EIF4G3: variants seen among roughly 807,000 people sequenced by gnomAD.
EIF4G3 encodes eIF-4-gamma 3.
A neutral mutation model predicts 186.4 loss-of-function variants in EIF4G3; 34 were observed. That is an observed-to-expected ratio of 0.18 (90% confidence interval 0.14 to 0.24). The LOEUF (loss-of-function observed/expected upper bound fraction) is 0.24, where lower values mean the gene tolerates loss of function less well. Among genes scored for constraint, EIF4G3 ranks in the 10% least tolerant of loss-of-function variants. The probability of loss-of-function intolerance (pLI) is 1.00; values close to 1 mark genes in which losing one functional copy is unlikely to be tolerated. For missense variants in EIF4G3, 1,536 were observed against 1,948.5 expected, an observed-to-expected ratio of 0.79 and a Z score of 3.99; for synonymous variants, 673 against 679.5, an observed-to-expected ratio of 0.99 and a Z score of 0.15.
chr1:21,023,972 C>A lies in EIF4G3; in HGVS notation c.-66-21164G>T, dbSNP rs540883741. The stretch of plus-strand genomic sequence containing the variant: ...ACGACCCCATCTGGGAGGTGAGGAG[C>A]GTCTCTGCCCGGCCGCCCAGTCTGA... On this transcript the variant is annotated intron_variant, in intron 4 of 36. Transcript: ENST00000602326. Among the ~76,000 whole-genome samples, 21 of 80,546 alleles carry A rather than the reference C, an allele frequency of 2.6e-4. 1 individual carries two copies. The South Asian group carries it at 8.0e-3, about 31-fold the overall frequency. 52.8% of individuals were successfully genotyped at this position (80,546 alleles called of 152,430 possible).
At chr1:20,916,725 T>G (rs1158452594) in intron 14 of EIF4G3, among the ~76,000 whole-genome samples, 2 of 152,186 alleles carry the variant, frequency 1.3e-5, no homozygotes, top group Non-Finnish European at 2.9e-5. Flanking sequence ...AAAGCTTCTT[T>G]ATCACGACCG....
At chr1:20,997,690 C>G in intron 6 of EIF4G3, 57 bp from the exon 7 acceptor site, 1 of 1,430,146 alleles carries the variant, frequency 7.0e-7, no homozygotes, top group South Asian at 1.4e-5. Flanking sequence ...TCAGAAACAC[C>G]ACAACAAAAA....
chr1:20,809,192 C>CA (rs1010581220), intron 36 of EIF4G3, among the ~76,000 whole-genome samples: 1 of 152,126 alleles, frequency 6.6e-6, no homozygotes, highest in African/African-American at 2.4e-5. Context: ...AGGCTGGTCT[C>CA]AAACTCCTGA....
At chr1:21,052,637 G>A (rs1444212487) in intron 3 of EIF4G3, among the ~76,000 whole-genome samples, 3 of 151,890 alleles carry the variant, frequency 2.0e-5, no homozygotes, top group Non-Finnish European at 4.4e-5. Context: ...CCGAGCCAAA[G>A]CTGGACTGTA....
At chr1:21,063,152 C>G (rs2095019272) in intron 3 of EIF4G3, among the ~76,000 whole-genome samples, 1 of 152,176 alleles carries the variant, frequency 6.6e-6, no homozygotes, top group South Asian at 2.1e-4. Flanking sequence ...CTCCCAAGCT[C>G]AATCAATCCT....
rs149169407 is a variant in EIF4G3, at chr1:20,865,268, T to C, written c.2623-6A>G. Reference sequence around the variant, plus strand: ...TCTGCCATGGGTACTTTCAGCTACATCCAGACAGGAAAATAAAAAAAATCA... The same window carrying C: ...TCTGCCATGGGTACTTTCAGCTACACCCAGACAGGAAAATAAAAAAAATCA... On this transcript the variant is annotated splice_region_variant and splice_polypyrimidine_tract_variant and intron_variant, in intron 20 of 36. Coordinates refer to ENST00000602326, the MANE Select transcript of EIF4G3 (RefSeq NM_001391906.1). The C allele has an allele frequency of 6.2e-7, 1 of 1,608,240 alleles. No individual in the cohort carries two copies. The highest frequency in any genetic ancestry group is 1.7e-5 in the Admixed American group (1 of 58,304).
At chr1:20,960,108 C>T (rs1387004539) in intron 12 of EIF4G3, among the ~76,000 whole-genome samples, 1 of 152,158 alleles carries the variant, frequency 6.6e-6, no homozygotes, top group Non-Finnish European at 1.5e-5. Context: ...TATAGCAGTA[C>T]AATTCACAAT....
chr1:21,150,888 A>G (rs994650239), intron 2 of EIF4G3, among the ~76,000 whole-genome samples: 1 of 152,208 alleles, frequency 6.6e-6, no homozygotes, highest in Admixed American at 6.5e-5. Context: ...AGGCAGAAGA[A>G]TCGCTTAAAC....
At position 20,948,970 on chromosome 1, in the gene EIF4G3, CAAAAAAAA is replaced by C. The variant is rs34585901; in HGVS notation, c.823+1025_823+1032del. Reference sequence around the variant, plus strand: ...GTTGCAGTGAGTCAAGACTCTGTCTCAAAAAAAAAAAAAAAAAAAAAGAATAATTTTTA... The same window carrying C: ...GTTGCAGTGAGTCAAGACTCTGTCTCAAAAAAAAAAAAAGAATAATTTTTA... On this transcript the variant is annotated intron_variant, in intron 13 of 36. Transcript: ENST00000602326. Among the ~76,000 whole-genome samples the C allele has an allele frequency of 5.4e-4, 28 of 51,532 alleles. No homozygotes were observed. In the East Asian group the frequency reaches 6.6e-3, roughly 12 times the overall value. The allele number at this position is 51,532 out of a possible 152,430, so 33.8% of individuals were successfully genotyped here. A position where few individuals can be genotyped will look rare whatever the true frequency, so the allele number is the denominator to read the frequency against.
intron 30 of EIF4G3, 96 bp from the exon 31 acceptor site, chr1:20,829,368 A>AGAT (rs1185492999): frequency 7.4e-7 from 1 of 1,345,028 alleles, no homozygotes; most frequent in African/African-American, 1.5e-5. Flanking sequence ...ATACATATTA[A>AGAT]TCACCTGCTA....
At chr1:20,971,410 T>C (rs1473141520) in intron 11 of EIF4G3, among the ~76,000 whole-genome samples, 2 of 152,212 alleles carry the variant, frequency 1.3e-5, no homozygotes, top group African/African-American at 4.8e-5. Context: ...TAGAAACATC[T>C]GTAACTACTG....
At chr1:21,152,210 G>A (rs551879503) in intron 2 of EIF4G3, among the ~76,000 whole-genome samples, 30 of 151,882 alleles carry the variant, frequency 2.0e-4, no homozygotes, top group African/African-American at 6.5e-4. Context: ...AGTGGCTCAC[G>A]CCTATAATCC....
rs548353005 is a variant in EIF4G3, at chr1:21,017,351, G to A, written c.-66-14543C>T. On this transcript the variant is annotated intron_variant, in intron 4 of 36. Transcript: ENST00000602326. Reference sequence around the variant, plus strand: ...AGTTAGAAGTTTAGTGTCCTTGGCCGGGCGCAGTGGCTCACGCCTGTAATC... The same window carrying A: ...AGTTAGAAGTTTAGTGTCCTTGGCCAGGCGCAGTGGCTCACGCCTGTAATC... Among the ~76,000 whole-genome samples the A allele has an allele frequency of 1.3e-4, 20 of 152,104 alleles. No homozygotes were observed. The South Asian group carries it at 1.9e-3, about 14-fold the overall frequency.
intron 7 of EIF4G3, among the ~76,000 whole-genome samples, chr1:20,985,941 T>G (rs900747676): frequency 7.2e-5 from 11 of 152,156 alleles, no homozygotes; most frequent in Non-Finnish European, 1.5e-5. Flanking sequence ...ACCTATCCAC[T>G]TGTCTCGTGT....
chr1:20,892,317 A>G (rs2086356569), intron 18 of EIF4G3, among the ~76,000 whole-genome samples: 1 of 152,178 alleles, frequency 6.6e-6, no homozygotes, highest in African/African-American at 2.4e-5. Context: ...GAGACATTCA[A>G]CATCATTGGC....
At chr1:20,959,016 C>T (rs1303626223) in intron 12 of EIF4G3, among the ~76,000 whole-genome samples, 3 of 151,862 alleles carry the variant, frequency 2.0e-5, no homozygotes, top group Non-Finnish European at 2.9e-5. Context: ...CATCAAAATA[C>T]CAACGTTTCA....
chr1:20,906,848 C>T (rs2092261290), intron 14 of EIF4G3, among the ~76,000 whole-genome samples: 1 of 151,810 alleles, frequency 6.6e-6, no homozygotes, highest in African/African-American at 2.4e-5. Flanking sequence ...ACACACACCC[C>T]TAATGCCCAG....
At chr1:20,828,783 C>A (rs2064322802) in intron 31 of EIF4G3, among the ~76,000 whole-genome samples, 1 of 152,134 alleles carries the variant, frequency 6.6e-6, no homozygotes, top group African/African-American at 2.4e-5. Context: ...TGGGGTAATG[C>A]AGTCTGACAA....
At chr1:20,920,680 A>AC (rs1432345519) in intron 14 of EIF4G3, among the ~76,000 whole-genome samples, 6 of 152,178 alleles carry the variant, frequency 3.9e-5, no homozygotes. Flanking sequence ...ATCAGAAGCT[A>AC]CCTGATTCTC....
Sources: allele counts gnomAD v4.1 joint callset (sites outside exome capture counted in the v4.1 genomes callset), GRCh38; gene constraint gnomAD v4.1.1; transcripts MANE v1.5; gene names NCBI Gene and HGNC (gene_info 2026-07-23, HGNC 2026-07-21).